The following VEGFC variants were observed in gnomAD, a reference collection of about 807,000 sequenced individuals.
VEGFC encodes the protein vascular endothelial growth factor C.
A neutral mutation model predicts 46.1 loss-of-function variants in VEGFC; 12 were observed. The observed-to-expected ratio is 0.26, with a 90% CI of 0.17 to 0.42. The LOEUF (loss-of-function observed/expected upper bound fraction) is 0.42, where lower values mean the gene tolerates loss of function less well. VEGFC is among the 10% of genes least tolerant of loss of function. VEGFC has a pLI of 1.00. For synonymous variants in VEGFC, 232 were observed against 195.5 expected (o/e 1.19, Z -1.56); for missense variants, 488 against 529.4 (o/e 0.92, Z 0.77).
rs773201069 is a variant in VEGFC at position 176,792,306 on chromosome 4, G to A, written c.6C>T (p.His2=). The A allele has an allele frequency of 1.3e-6, 2 of 1,512,952 alleles. No individual in the cohort carries two copies. The highest frequency in any genetic ancestry group is 2.8e-5 in the East Asian group (1 of 35,468). The allele number at this position is 1,512,952 out of a possible 1,614,324, so 93.7% of individuals were successfully genotyped here. A position where few individuals can be genotyped will look rare whatever the true frequency, so the allele number is the denominator to read the frequency against. M[H]LLGFFSVACS... ...ACGCCACAGAGAAGAAGCCCAGCAA[G>A]TGCATGGTGGAAGGACCGGGGGTGG... The change falls in exon 1 of 7, where the codon CAC becomes CAT. Residue 2 remains histidine (H), a synonymous_variant. Transcript: ENST00000618562. This position sits in a 1 kb window ranked among gnomAD's most constrained non-coding sequence, Gnocchi z 6.3.
chr4:176,715,014 G>A (rs1043893981), intron 3 of VEGFC, among the ~76,000 whole-genome samples: 9 of 152,070 alleles, frequency 5.9e-5, no homozygotes, highest in African/African-American at 2.2e-4. Flanking sequence ...TCACTGTTTA[G>A]AGAACTGTCT....
intron 3 of VEGFC, among the ~76,000 whole-genome samples, chr4:176,723,929 A>G (rs1458693177): frequency 6.6e-6 from 1 of 151,844 alleles, no homozygotes; most frequent in Admixed American, 6.6e-5. Flanking sequence ...GGTTTGTTAA[A>G]TAGGTAAACT....
chr4:176,770,453 T>C (rs1735703195), intron 1 of VEGFC, among the ~76,000 whole-genome samples: 1 of 148,766 alleles, frequency 6.7e-6, no homozygotes, highest in Non-Finnish European at 1.5e-5. Flanking sequence ...ACTAGCATGA[T>C]TTTCTAAATA....
At chr4:176,762,291 C>T (rs953056550) in intron 1 of VEGFC, among the ~76,000 whole-genome samples, 2 of 152,116 alleles carry the variant, frequency 1.3e-5, no homozygotes, top group Non-Finnish European at 2.9e-5. Flanking sequence ...GGTCATGAAG[C>T]CTTTGCCCAG....
At chr4:176,777,681 G>A (rs1560964467) in intron 1 of VEGFC, among the ~76,000 whole-genome samples, 1 of 151,956 alleles carries the variant, frequency 6.6e-6, no homozygotes, top group South Asian at 2.1e-4. Context: ...CAGCACTTTG[G>A]GAGGCCGAGG....
At chr4:176,720,510 A>G (rs1297066896) in intron 3 of VEGFC, among the ~76,000 whole-genome samples, 2 of 152,152 alleles carry the variant, frequency 1.3e-5, no homozygotes, top group Non-Finnish European at 2.9e-5. Flanking sequence ...CAGTGTAACA[A>G]GCAGACGCAA....
intron 3 of VEGFC, among the ~76,000 whole-genome samples, chr4:176,713,217 C>A: frequency 6.6e-6 from 1 of 152,130 alleles, no homozygotes; most frequent in East Asian, 1.9e-4. Flanking sequence ...TCAACATATG[C>A]CACTATTATG....
At chr4:176,754,072 T>C (rs1735392853) in intron 1 of VEGFC, among the ~76,000 whole-genome samples, 3 of 152,058 alleles carry the variant, frequency 2.0e-5, no homozygotes, top group Admixed American at 6.6e-5. Context: ...TTAAAAGTTA[T>C]CTGAGGTTAA....
intron 4 of VEGFC, among the ~76,000 whole-genome samples, chr4:176,691,931 A>AG (rs1307540340): frequency 3.9e-5 from 6 of 152,166 alleles, no homozygotes; most frequent in Non-Finnish European, 8.8e-5. Flanking sequence ...GGCGCAGGTC[A>AG]GTGGGTGCAC....
chr4:176,784,779 A>AAAG (rs1553998122), intron 1 of VEGFC, among the ~76,000 whole-genome samples: 2,386 of 99,998 alleles, frequency 0.024, 209 homozygotes, highest in Admixed American at 0.032. Context: ...AAAAAAAAAA[A>AAAG]GATAAAGTAA....
intron 3 of VEGFC, among the ~76,000 whole-genome samples, chr4:176,712,659 A>T (rs916553844): frequency 1.3e-5 from 2 of 152,146 alleles, no homozygotes. Context: ...ACAAACTTCA[A>T]AGCATTGTGA....
intron 3 of VEGFC, among the ~76,000 whole-genome samples, chr4:176,719,030 G>C (rs1235874283): frequency 6.6e-6 from 1 of 152,200 alleles, no homozygotes; most frequent in African/African-American, 2.4e-5. Flanking sequence ...AGATACTTGT[G>C]TGGAGAACTT....
rs1277958804 is a variant in VEGFC at position 176,694,836 on chromosome 4, T to C, written c.705-6909A>G. Among the ~76,000 whole-genome samples, 11 of 145,790 alleles carry C rather than the reference T, an allele frequency of 7.5e-5. No individual in the cohort carries two copies. The South Asian group carries it at 2.4e-3, about 32-fold the overall frequency. On this transcript the variant is annotated intron_variant, in intron 4 of 6. Coordinates refer to ENST00000618562, the MANE Select transcript of VEGFC (RefSeq NM_005429.5). The stretch of plus-strand genomic sequence containing the variant: ...CAGGATTAAGAATCTCACTCAAAAC[T>C]GCTCAACTACATGGAAACTGAACAA...
chr4:176,705,545 A>G (rs1341008347), intron 4 of VEGFC, among the ~76,000 whole-genome samples: 1 of 152,194 alleles, frequency 6.6e-6, no homozygotes, highest in Non-Finnish European at 1.5e-5. Context: ...TTTAATTTTT[A>G]TATTTTCCTG....
intron 1 of VEGFC, among the ~76,000 whole-genome samples, chr4:176,760,069 A>G (rs1486934467): frequency 2.6e-5 from 4 of 152,146 alleles, no homozygotes; most frequent in African/African-American, 7.2e-5. Context: ...TTTTAAAATC[A>G]TATTCTTGAG....
In VEGFC at chr4:176,792,058, G is replaced by T; in HGVS notation, c.147+107C>A. 1 of 1,333,050 alleles carries T rather than the reference G, an allele frequency of 7.5e-7. No homozygotes were observed. Among genetic ancestry groups the T allele is most frequent in the Middle Eastern group, 2.0e-4 (1 of 5,032 alleles). 82.6% of individuals were successfully genotyped at this position (1,333,050 alleles called of 1,614,324 possible). On this transcript the variant is annotated intron_variant, in intron 1 of 6. Transcript: ENST00000618562. The surrounding 1 kb of genome is among the most constrained non-coding windows in gnomAD (Gnocchi z 6.3). ...TGAGCTCAGTAACTTTGGATCCCAC[G>T]TACACAAGCTTAAAGCACACACACT...
intron 3 of VEGFC, among the ~76,000 whole-genome samples, chr4:176,721,961 A>G (rs762091972): frequency 6.6e-6 from 1 of 152,206 alleles, no homozygotes; most frequent in Non-Finnish European, 1.5e-5. Flanking sequence ...GAGAAATACC[A>G]TATTTTTGAT....
At chr4:176,703,706 A>G (rs556425233) in intron 4 of VEGFC, among the ~76,000 whole-genome samples, 23 of 152,168 alleles carry the variant, frequency 1.5e-4, no homozygotes, top group Non-Finnish European at 2.5e-4. Flanking sequence ...ATTACGCATT[A>G]TATGTATGTA....
chr4:176,691,698 C>G (rs1734182273), intron 4 of VEGFC, among the ~76,000 whole-genome samples: 1 of 152,190 alleles, frequency 6.6e-6, no homozygotes. Flanking sequence ...TTGCATTTAT[C>G]TCTCCTTTGA....
Sources: allele counts gnomAD v4.1 joint callset (sites outside exome capture counted in the v4.1 genomes callset), GRCh38; gene constraint gnomAD v4.1.1; non-coding constraint Gnocchi (gnomAD v3.1); transcripts MANE v1.5; gene names NCBI Gene and HGNC (gene_info 2026-07-23, HGNC 2026-07-21).